The following ALCAM variants were observed in gnomAD, a reference collection of about 807,000 sequenced individuals.
The protein encoded by ALCAM is CD166 antigen.
In ALCAM, 30 loss-of-function variants were observed where a neutral mutation model predicts 70.9. The ratio of observed to expected loss-of-function variants is 0.42; its 90% CI spans 0.32 to 0.57. The LOEUF (loss-of-function observed/expected upper bound fraction) is 0.57, where lower values mean the gene tolerates loss of function less well. Ranked by LOEUF, ALCAM falls within the 20% of genes least tolerant of loss-of-function variation. ALCAM has a pLI of 0.11. For synonymous variants in ALCAM, 249 were observed against 242.5 expected (o/e 1.03, Z -0.25); for missense variants, 591 against 695.1 (o/e 0.85, Z 1.68).
Position 105,454,653 on chromosome 3 carries a change from A to ATTTTTTTTT in ALCAM, c.74-65388_74-65380dup, listed in dbSNP as rs59389132. Among the ~76,000 whole-genome samples, 67 of 61,800 alleles carry ATTTTTTTTT rather than the reference A, an allele frequency of 1.1e-3. 5 individuals carry two copies. The highest frequency in any genetic ancestry group is 3.2e-3 in the Admixed American group (11 of 3,418). 40.5% of individuals were successfully genotyped at this position (61,800 alleles called of 152,430 possible). On this transcript the variant is annotated intron_variant, in intron 1 of 15. Coordinates refer to ENST00000306107, the MANE Select transcript of ALCAM (RefSeq NM_001627.4). Reference sequence around the variant, plus strand: ...ATTGGCACATAGTAGATGCTCATTAATTTTTTTTTTTTTTTTTTTTTTTTT... The same window carrying ATTTTTTTTT: ...ATTGGCACATAGTAGATGCTCATTAATTTTTTTTTTTTTTTTTTTTTTTTTTTTTTTTTT...
chr3:105,573,455 A>C (rs1038543134), intron 15 of ALCAM, among the ~76,000 whole-genome samples: 1 of 152,262 alleles, frequency 6.6e-6, no homozygotes, highest in African/African-American at 2.4e-5. Context: ...GTGTGTATAC[A>C]TATACGCATA....
At chr3:105,419,535 A>T (rs1215696004) in intron 1 of ALCAM, among the ~76,000 whole-genome samples, 1 of 151,828 alleles carries the variant, frequency 6.6e-6, no homozygotes, top group Non-Finnish European at 1.5e-5. Context: ...CATTGCAGAG[A>T]ACATAGCAAC....
chr3:105,532,123 C>G, intron 4 of ALCAM, 57 bp downstream of exon 4: 2 of 1,390,840 alleles, frequency 1.4e-6, no homozygotes, highest in Non-Finnish European at 1.0e-6. Flanking sequence ...GTGCCTTCTT[C>G]TGACCTTACA....
chr3:105,416,410 T>C (rs1429422228), intron 1 of ALCAM, among the ~76,000 whole-genome samples: 2 of 152,006 alleles, frequency 1.3e-5, no homozygotes, highest in Non-Finnish European at 2.9e-5. Context: ...TTTCTACTTA[T>C]AAAATTGTGA....
chr3:105,432,548 TG>T (rs1317168077), intron 1 of ALCAM, among the ~76,000 whole-genome samples: 4 of 152,210 alleles, frequency 2.6e-5, no homozygotes, highest in African/African-American at 9.6e-5. Context: ...AAAAGGTTTT[TG>T]TTTTTTTAAT....
chr3:105,408,429 C>T (rs1483497404), intron 1 of ALCAM, among the ~76,000 whole-genome samples: 1 of 151,976 alleles, frequency 6.6e-6, no homozygotes, highest in Non-Finnish European at 1.5e-5. Flanking sequence ...TTTGACAGAG[C>T]AAACAAAAAC....
intron 1 of ALCAM, among the ~76,000 whole-genome samples, chr3:105,502,112 C>T (rs1169361668): frequency 1.3e-5 from 2 of 152,158 alleles, no homozygotes; most frequent in African/African-American, 4.8e-5. Flanking sequence ...GAAATTCCAA[C>T]TGAAAATTAA....
Position 105,539,968 on chromosome 3 carries a change from C to G in ALCAM, c.731-7C>G. On this transcript the variant is annotated splice_polypyrimidine_tract_variant and splice_region_variant and intron_variant, in intron 6 of 15. Coordinates refer to ENST00000306107, the MANE Select transcript of ALCAM (RefSeq NM_001627.4). ...AAATGGTTAACTTGTGTCTGTAACT[C>G]TTACAGATCCTACAGAGCAGGTGAC... The G allele has an allele frequency of 6.2e-7, 1 of 1,611,050 alleles. No individual in the cohort carries two copies. The highest frequency in any genetic ancestry group is 1.1e-5 in the South Asian group (1 of 90,806).
At chr3:105,566,537 A>G (rs1430991732) in intron 14 of ALCAM, among the ~76,000 whole-genome samples, 1 of 152,020 alleles carries the variant, frequency 6.6e-6, no homozygotes, top group Non-Finnish European at 1.5e-5. Context: ...CCTTCTTTTG[A>G]ATTACTTAAT....
At chr3:105,524,265 A>T (rs1195137630) in intron 2 of ALCAM, 24 bp from the exon 3 acceptor site, 1 of 1,567,836 alleles carries the variant, frequency 6.4e-7, no homozygotes. Context: ...TTGTGTTTAA[A>T]TGTATTATTA....
At chr3:105,367,825 G>C (rs962201718) in intron 1 of ALCAM, among the ~76,000 whole-genome samples, 1 of 152,078 alleles carries the variant, frequency 6.6e-6, no homozygotes, top group African/African-American at 2.4e-5. Flanking sequence ...CCTGTCTCTG[G>C]GTATCCAAGT....
At chr3:105,372,308 T>A (rs147031035) in intron 1 of ALCAM, among the ~76,000 whole-genome samples, 3 of 152,250 alleles carry the variant, frequency 2.0e-5, no homozygotes, top group Non-Finnish European at 4.4e-5. Context: ...ACTGATATTT[T>A]CATGCAGCTA....
rs898689353 is a variant in ALCAM, at chr3:105,370,733, A to T, written c.73+3252A>T. On this transcript the variant is annotated intron_variant, in intron 1 of 15. Coordinates refer to ENST00000306107, the MANE Select transcript of ALCAM (RefSeq NM_001627.4). ...ACTCTTTCCAGCCTTAGTAGGGAAA[A>T]AAAAAAGCGTGAAGGAGAGAAATTA... Among the ~76,000 whole-genome samples the T allele has an allele frequency of 2.6e-5, 4 of 152,008 alleles. No homozygotes were observed. The East Asian group carries it at 7.7e-4, about 29-fold the overall frequency.
chr3:105,389,894 T>C (rs1935767925), intron 1 of ALCAM, among the ~76,000 whole-genome samples: 1 of 151,962 alleles, frequency 6.6e-6, no homozygotes, highest in African/African-American at 2.4e-5. Context: ...ACTTCATCCA[T>C]GTCCCTGCAA....
At chr3:105,562,339 C>A (rs1466214674) in intron 14 of ALCAM, among the ~76,000 whole-genome samples, 4 of 152,092 alleles carry the variant, frequency 2.6e-5, no homozygotes, top group Non-Finnish European at 4.4e-5. Flanking sequence ...CCTAGATTAC[C>A]AGTAGTTTTT....
At chr3:105,496,788 G>A (rs1350724013) in intron 1 of ALCAM, among the ~76,000 whole-genome samples, 1 of 151,544 alleles carries the variant, frequency 6.6e-6, no homozygotes, top group East Asian at 1.9e-4. Flanking sequence ...ATTCTGCTTG[G>A]TGCATTGGTG....
At chr3:105,531,357 CA>C (rs1939835438) in intron 3 of ALCAM, 1 of 152,100 alleles carries the variant, frequency 6.6e-6, no homozygotes. Context: ...TTTACACTTT[CA>C]TATTGTGACT....
chr3:105,541,576 A>G, intron 7 of ALCAM, 57 bp from the exon 8 acceptor site: 5 of 1,572,770 alleles, frequency 3.2e-6, no homozygotes, highest in Non-Finnish European at 4.3e-6. Context: ...AAGAAATACA[A>G]CTGTTCTCAT....
At chr3:105,564,572 A>C (rs1940704474) in intron 14 of ALCAM, among the ~76,000 whole-genome samples, 1 of 152,156 alleles carries the variant, frequency 6.6e-6, no homozygotes, top group African/African-American at 2.4e-5. Flanking sequence ...TTTTATGATA[A>C]TGTTCTTATT....
Sources: gnomAD v4.1 joint callset for allele counts (sites outside exome capture counted in the v4.1 genomes callset) on GRCh38, gnomAD v4.1.1 for gene constraint, MANE v1.5 for transcripts, NCBI Gene and HGNC (gene_info 2026-07-23, HGNC 2026-07-21) for gene names.